The following MRPS27 variants were observed in gnomAD, a reference collection of about 807,000 sequenced individuals.
The protein encoded by MRPS27 is small ribosomal subunit protein mS27.
In MRPS27, 43 loss-of-function variants were observed where a neutral mutation model predicts 48.9. The observed-to-expected ratio is 0.88, with a 90% CI of 0.69 to 1.13. The LOEUF (loss-of-function observed/expected upper bound fraction) is 1.13. Among genes scored for constraint, MRPS27 ranks in the 50% most tolerant of loss-of-function variants. MRPS27 has a pLI of 0.00. For synonymous variants in MRPS27, 188 were observed against 171.9 expected, an observed-to-expected ratio of 1.09 and a Z score of -0.73; for missense variants, 467 against 476.3, an observed-to-expected ratio of 0.98 and a Z score of 0.18.
At chr5:72,246,501 A>G (rs1196732866) in intron 4 of MRPS27, among the ~76,000 whole-genome samples, 2 of 152,204 alleles carry the variant, frequency 1.3e-5, no homozygotes, top group African/African-American at 2.4e-5. Context: ...GCCAGAGTAC[A>G]TGGGTTCAAA....
intron 4 of MRPS27, among the ~76,000 whole-genome samples, chr5:72,262,655 G>A (rs1749013133): frequency 6.6e-6 from 1 of 151,696 alleles, no homozygotes; most frequent in Non-Finnish European, 1.5e-5. Flanking sequence ...GAAAGCAAGT[G>A]GACAGAAAAA....
At chr5:72,318,449 G>T (rs1750620966) in intron 1 of MRPS27, among the ~76,000 whole-genome samples, 1 of 152,146 alleles carries the variant, frequency 6.6e-6, no homozygotes, top group African/African-American at 2.4e-5. Flanking sequence ...CTACATTCTG[G>T]AGTCAGGACA....
chr5:72,285,344 T>G (rs1258183760), intron 4 of MRPS27, among the ~76,000 whole-genome samples: 2 of 152,352 alleles, frequency 1.3e-5, no homozygotes, highest in East Asian at 3.9e-4. Context: ...AAATGTTTGC[T>G]GATAACAACA....
chr5:72,296,161 G>C (rs1280795083), intron 3 of MRPS27, among the ~76,000 whole-genome samples: 3 of 151,678 alleles, frequency 2.0e-5, no homozygotes, highest in Non-Finnish European at 4.4e-5. Context: ...CATTAACTAT[G>C]GTCCAAATAA....
chr5:72,287,975 A>G lies in MRPS27; in HGVS notation c.281+7556T>C, dbSNP rs77224730. Reference sequence around the variant, plus strand: ...TGTGCATGGATGTCTGCAGCAGCACATACTCCTAGGGACTCAGGACTGGAG... The same window carrying G: ...TGTGCATGGATGTCTGCAGCAGCACGTACTCCTAGGGACTCAGGACTGGAG... On this transcript the variant is annotated intron_variant, in intron 4 of 10. Transcript: ENST00000261413. Among the ~76,000 whole-genome samples the G allele has an allele frequency of 6.6e-3, 999 of 152,348 alleles. 10 individuals are homozygous for G. Among genetic ancestry groups the G allele is most frequent in the African/African-American group, 0.023 (956 of 41,578 alleles).
intron 4 of MRPS27, among the ~76,000 whole-genome samples, chr5:72,263,920 A>G (rs1214727641): frequency 6.6e-6 from 1 of 152,212 alleles, no homozygotes; most frequent in Non-Finnish European, 1.5e-5. Flanking sequence ...AACTAAAAAT[A>G]GGTTCTCAAG....
chr5:72,289,582 C>T (rs956620940), intron 4 of MRPS27, among the ~76,000 whole-genome samples: 3 of 151,916 alleles, frequency 2.0e-5, no homozygotes, highest in East Asian at 1.9e-4. Context: ...CCACCACACC[C>T]GGCTAATTTT....
intron 4 of MRPS27, among the ~76,000 whole-genome samples, chr5:72,264,995 A>G (rs985732681): frequency 2.6e-5 from 4 of 152,254 alleles, no homozygotes; most frequent in African/African-American, 7.2e-5. Flanking sequence ...TATGAACTTC[A>G]GAGTACTTCT....
chr5:72,229,278 C>T (rs574559712), intron 7 of MRPS27: 5 of 152,318 alleles, frequency 3.3e-5, no homozygotes, highest in African/African-American at 7.2e-5. Flanking sequence ...CAGTTACAAC[C>T]ACGGGCAAGT....
At chr5:72,316,794 C>T (rs942975596) in intron 1 of MRPS27, among the ~76,000 whole-genome samples, 2 of 151,672 alleles carry the variant, frequency 1.3e-5, no homozygotes, top group Non-Finnish European at 2.9e-5. Context: ...CTTTGGGAGG[C>T]CGAGGTGGGC....
chr5:72,296,970 A>G (rs1749997780), intron 3 of MRPS27, among the ~76,000 whole-genome samples: 1 of 152,190 alleles, frequency 6.6e-6, no homozygotes. Context: ...AAGCCCAGAT[A>G]TATTTGAAGC....
At chr5:72,248,036 T>C (rs1320875504) in intron 4 of MRPS27, among the ~76,000 whole-genome samples, 1 of 152,210 alleles carries the variant, frequency 6.6e-6, no homozygotes, top group Non-Finnish European at 1.5e-5. Flanking sequence ...CCCTTAGTTG[T>C]TTACATGTAA....
intron 9 of MRPS27, among the ~76,000 whole-genome samples, chr5:72,225,128 G>A (rs1299573662): frequency 6.6e-6 from 1 of 152,186 alleles, no homozygotes; most frequent in Non-Finnish European, 1.5e-5. Flanking sequence ...TCAATTACCA[G>A]TACTGACTAC....
In MRPS27 at chr5:72,255,261, G is replaced by T. The variant is rs779170138; in HGVS notation, c.282-17133C>A. Among the ~76,000 whole-genome samples, 171 of 151,934 alleles carry T rather than the reference G, an allele frequency of 1.1e-3. 2 individuals carry two copies. The highest frequency in any genetic ancestry group is 2.8e-4 in the Non-Finnish European group (19 of 67,946). On this transcript the variant is annotated intron_variant, in intron 4 of 10. Transcript: ENST00000261413. ...AGATAGGGTTTCTCCATGATGGCCA[G>T]GTTGGTCTCGAACTCCTGACCTCAG...
intron 5 of MRPS27, among the ~76,000 whole-genome samples, chr5:72,234,617 T>A (rs762322541): frequency 6.6e-6 from 1 of 152,146 alleles, no homozygotes; most frequent in Non-Finnish European, 1.5e-5. Flanking sequence ...TTCTGGTTCT[T>A]AGCCTGGCTT....
At chr5:72,241,541 A>T (rs2111966920) in intron 4 of MRPS27, 1 of 1,133,472 alleles carries the variant, frequency 8.8e-7, no homozygotes, top group Middle Eastern at 2.0e-4. Flanking sequence ...TTTGAGAAGA[A>T]TTCCTGTTGG....
chr5:72,242,665 T>TACACACACACACAC (rs57589095), intron 4 of MRPS27, among the ~76,000 whole-genome samples: 1,612 of 134,258 alleles, frequency 0.012, 13 homozygotes, highest in African/African-American at 0.024. Context: ...AGACCCCGTC[T>TACACACACACACAC]ACACACACAC....
chr5:72,242,443 A>AT, intron 4 of MRPS27, among the ~76,000 whole-genome samples: 1 of 151,614 alleles, frequency 6.6e-6, no homozygotes, highest in African/African-American at 2.4e-5. Flanking sequence ...AAAAAAAAAA[A>AT]ACACCACAGA....
At chr5:72,270,598 A>G (rs1749213808) in intron 4 of MRPS27, among the ~76,000 whole-genome samples, 1 of 152,190 alleles carries the variant, frequency 6.6e-6, no homozygotes, top group Non-Finnish European at 1.5e-5. Context: ...TCAAGCACCG[A>G]AGAAACTCTT....
Sources: gnomAD v4.1 joint callset for allele counts (sites outside exome capture counted in the v4.1 genomes callset) on GRCh38, gnomAD v4.1.1 for gene constraint, MANE v1.5 for transcripts, NCBI Gene and HGNC (gene_info 2026-07-23, HGNC 2026-07-21) for gene names.